Variants in CDAN1 observed in about 807,000 individuals in gnomAD.
The protein encoded by CDAN1 is codanin-1.
CDAN1 carries 107 observed loss-of-function variants against 139.8 expected under a neutral mutation model. The observed-to-expected ratio is 0.77, with a 90% CI of 0.65 to 0.90. The LOEUF (loss-of-function observed/expected upper bound fraction) is 0.90. Ranked by LOEUF, CDAN1 falls within the 40% of genes least tolerant of loss-of-function variation. CDAN1 has a pLI of 0.00. For missense variants in CDAN1, 1,667 were observed against 1,575.7 expected, an observed-to-expected ratio of 1.06 and a Z score of -0.98; for synonymous variants, 776 against 660.6, an observed-to-expected ratio of 1.17 and a Z score of -2.68.
intron 11 of CDAN1, 99 bp from the exon 12 acceptor site, chr15:42,731,430 G>C: frequency 3.9e-6 from 6 of 1,550,650 alleles, no homozygotes; most frequent in Non-Finnish European, 5.3e-6. Context: ...CAGCAGGACA[G>C]ACAGGGAGGC....
In CDAN1 at chr15:42,725,482, G is replaced by A. The variant is rs770445283; in HGVS notation, c.3450+7C>T. ...CTGCAGAGGGCTTCTTGTTCCGTCT[G>A]ACTCACCTCCCTTGGCCTTGTGTCT... is the stretch of plus-strand genomic sequence containing the variant. On this transcript the variant is annotated splice_region_variant and intron_variant, in intron 26 of 27. Transcript: ENST00000356231. 6.2e-6 allele frequency: 10 copies of A among 1,614,106 alleles called. No individual in the cohort carries two copies. The highest frequency in any genetic ancestry group is 1.6e-4 in the Middle Eastern group (1 of 6,062).
At chr15:42,729,504 G>A (rs2061580302) in intron 17 of CDAN1, 64 bp downstream of exon 17, 1 of 1,608,004 alleles carries the variant, frequency 6.2e-7, no homozygotes, top group Non-Finnish European at 8.5e-7. Flanking sequence ...TGGGCCAAGG[G>A]GGTGCCTTTT....
rs548549298 is a variant in CDAN1 at position 42,727,876 on chromosome 15, G to A, written c.2947+79C>T. On this transcript the variant is annotated intron_variant, in intron 22 of 27. Coordinates refer to ENST00000356231, the MANE Select transcript of CDAN1 (RefSeq NM_138477.4). Reference sequence around the variant, plus strand: ...TTTCCTACTGGCTCTCAGTCCCATCGCCCACAAGATGCCTCTGACTCTCTG... The same window carrying A: ...TTTCCTACTGGCTCTCAGTCCCATCACCCACAAGATGCCTCTGACTCTCTG... 3.5e-4 allele frequency: 556 copies of A among 1,596,942 alleles called. 1 individual carries two copies. Among genetic ancestry groups the A allele is most frequent in the South Asian group, 1.2e-3 (110 of 90,740 alleles).
At position 42,729,310 on chromosome 15, in the gene CDAN1, A is replaced by G. The variant is rs1595855107; in HGVS notation, c.2460T>C (p.Ser820=). Residue 820 remains serine (S), a synonymous_variant, in exon 18 of 28, where the codon AGT becomes AGC. Transcript: ENST00000356231. ...GGGTGATTTTCCTCATGAAGCCCCCACTCCGTCCACTACTGCCTGACACCC... is the reference window on the plus strand; with the variant it reads ...GGGTGATTTTCCTCATGAAGCCCCCGCTCCGTCCACTACTGCCTGACACCC... ...ASWVSGSSGR[S]GGFMRKITPT... 6.2e-7 allele frequency: 1 copy of G among 1,612,952 alleles called. No homozygotes were observed. The highest frequency in any genetic ancestry group is 8.5e-7 in the Non-Finnish European group (1 of 1,179,834).
chr15:42,732,787 C>T (rs1221029351), intron 9 of CDAN1, among the ~76,000 whole-genome samples: 1 of 148,334 alleles, frequency 6.7e-6, no homozygotes, highest in Non-Finnish European at 1.5e-5. Context: ...AAGATGGAGG[C>T]TGGATGTGTC....
chr15:42,735,810 G>A, intron 3 of CDAN1, 65 bp downstream of exon 3: 2 of 1,601,830 alleles, frequency 1.2e-6, no homozygotes, highest in African/African-American at 1.3e-5. Flanking sequence ...ATCAATTTCA[G>A]GGAAAACCCC....
chr15:42,727,492 C>A, intron 23 of CDAN1, 129 bp downstream of exon 23: 1 of 830,684 alleles, frequency 1.2e-6, no homozygotes, highest in East Asian at 2.7e-5. Flanking sequence ...ATGAGTGAAA[C>A]GGGGACTAGC....
At chr15:42,728,321 G>T in intron 20 of CDAN1, 54 bp from the exon 21 acceptor site, 1 of 1,579,822 alleles carries the variant, frequency 6.3e-7, no homozygotes. Flanking sequence ...CCTGGCTGCA[G>T]AAGTAAATGC....
chr15:42,731,365 G>C, intron 11 of CDAN1, 34 bp from the exon 12 acceptor site: 1 of 1,612,124 alleles, frequency 6.2e-7, no homozygotes, highest in Non-Finnish European at 8.5e-7. Flanking sequence ...CATAAGCACT[G>C]GAAGAGGTAC....
chr15:42,726,912 T>C (rs570736951), intron 23 of CDAN1: 1 of 179,130 alleles, frequency 5.6e-6, no homozygotes, highest in South Asian at 1.3e-4. Context: ...CATTTTTTAG[T>C]CATTGTACCT....
rs750471514 is a variant in CDAN1, at chr15:42,736,326, C to T, written c.545G>A (p.Gly182Asp). The T allele has an allele frequency of 6.2e-7, 1 of 1,613,864 alleles. No individual in the cohort carries two copies. Among genetic ancestry groups the T allele is most frequent in the East Asian group, 2.2e-5 (1 of 44,836 alleles). The change falls in exon 2 of 28, where the codon GGC becomes GAC. Residue 182 changes from glycine to aspartate, a missense_variant. Physicochemically the swap from Gly to Asp is moderately conservative, Grantham distance 94. Transcript: ENST00000356231. ...LSNLEEFPPV[G>D]SVPPGPTGTK... The stretch of plus-strand genomic sequence containing the variant: ...CCCTGTAGGGCCGGGGGGAACCGAG[C>T]CTACGGGAGGGAACTCCTCCAGGTT...
At chr15:42,731,153 A>C in intron 12 of CDAN1, 58 bp downstream of exon 12, 1 of 1,614,158 alleles carries the variant, frequency 6.2e-7, no homozygotes, top group African/African-American at 1.3e-5. Flanking sequence ...TTTTTCTTGA[A>C]CATACTCCCT....
At chr15:42,725,108 G>C (rs1321433221) in intron 27 of CDAN1, 36 bp downstream of exon 27, 1 of 1,524,316 alleles carries the variant, frequency 6.6e-7, no homozygotes, top group South Asian at 1.1e-5. Context: ...TGTAACACCT[G>C]TTCTCTCTCC....
At position 42,730,633 on chromosome 15, in the gene CDAN1, G is replaced by A. The variant is rs927280003; in HGVS notation, c.2139C>T (p.Tyr713=). The A allele has an allele frequency of 1.9e-6, 3 of 1,614,068 alleles. No individual in the cohort carries two copies. The highest frequency in any genetic ancestry group is 2.5e-6 in the Non-Finnish European group (3 of 1,180,042). Residue 713 remains tyrosine, a synonymous_variant, in exon 14 of 28, where the codon TAC becomes TAT. Coordinates refer to ENST00000356231, the MANE Select transcript of CDAN1 (RefSeq NM_138477.4). ...GCAGCAGGAGAGTGAAGATGTCCCG[G>A]TAATATTCCAGCAAGGGAACAACAT... ...ADHVVPLLEY[Y]RDIFTLLLRL...
rs2061691086 is a variant in CDAN1, at chr15:42,736,557, T to C, written c.314A>G (p.Glu105Gly). 2.0e-6 allele frequency: 3 copies of C among 1,482,850 alleles called. No individual in the cohort carries two copies. The South Asian group carries it at 3.8e-5, about 19-fold the overall frequency. 91.9% of individuals were successfully genotyped at this position (1,482,850 alleles called of 1,614,324 possible). A position where few individuals can be genotyped will look rare whatever the true frequency, so the allele number is the denominator to read the frequency against. Residue 105 changes from glutamate to glycine, a missense_variant, in exon 2 of 28, where the codon GAG becomes GGG. This residue lies in a region of CDAN1 where 487 missense variants were observed against 422.2 expected (regional missense o/e 1.15). Transcript: ENST00000356231. ...GARSQLFPPTEAQSTAAEAPL... is the reference protein window; with the variant it reads ...GARSQLFPPTGAQSTAAEAPL... ...GGCCTCGGCAGCGGTGCTCTGGGCC[T>C]CGGTCGGAGGGAAAAGCTGGCTGCG...
Position 42,727,630 on chromosome 15 carries a change from G to GGAGAT in CDAN1, c.3082_3086dup (p.Glu1030SerfsTer4). The GGAGAT allele has an allele frequency of 1.9e-6, 3 of 1,573,978 alleles. No homozygotes were observed. The highest frequency in any genetic ancestry group is 2.6e-6 in the Non-Finnish European group (3 of 1,156,250). ...TAGGGTAGCCGTGTACTTTTATCTCGGAGATGAGGTGGGAGGGGAGGGGAG... is the reference window on the plus strand; with the variant it reads ...TAGGGTAGCCGTGTACTTTTATCTCGGAGATGAGATGAGGTGGGAGGGGAGGGGAG... On this transcript the variant is annotated frameshift_variant, in exon 23 of 28. Coordinates refer to ENST00000356231, the MANE Select transcript of CDAN1 (RefSeq NM_138477.4). LOFTEE classifies it high-confidence loss of function.
chr15:42,731,533 A>AG, intron 11 of CDAN1, 87 bp downstream of exon 11: 1 of 1,466,948 alleles, frequency 6.8e-7, no homozygotes, highest in Non-Finnish European at 9.5e-7. Flanking sequence ...CTCCAGGCAA[A>AG]GGAGACTGGA....
intron 3 of CDAN1, 59 bp from the exon 4 acceptor site, chr15:42,735,738 C>G: frequency 6.3e-7 from 1 of 1,594,638 alleles, no homozygotes; most frequent in Non-Finnish European, 8.6e-7. Flanking sequence ...CGGCCACACT[C>G]AGGTCACTCC....
At chr15:42,726,865 G>A (rs1038203193) in intron 23 of CDAN1, 3 of 191,804 alleles carry the variant, frequency 1.6e-5, no homozygotes, top group East Asian at 1.4e-4. Flanking sequence ...GTATCAAATG[G>A]CCACTAAGCC....
Sources: allele counts gnomAD v4.1 joint callset (sites outside exome capture counted in the v4.1 genomes callset), GRCh38; gene constraint gnomAD v4.1.1; regional missense constraint gnomAD v4.1.1; transcripts MANE v1.5; gene names NCBI Gene and HGNC (gene_info 2026-07-23, HGNC 2026-07-21).